PARD3B: variants seen among roughly 807,000 people sequenced by gnomAD.
PARD3B encodes par-3 family cell polarity regulator beta.
PARD3B carries 103 observed loss-of-function variants against 130.2 expected under a neutral mutation model. The observed-to-expected ratio is 0.79, with a 90% CI of 0.67 to 0.93. The LOEUF (loss-of-function observed/expected upper bound fraction) is 0.93, where lower values mean the gene tolerates loss of function less well. PARD3B is among the 40% of genes least tolerant of loss of function. The probability of loss-of-function intolerance (pLI) is 0.00; values close to 1 mark genes in which losing one functional copy is unlikely to be tolerated. For missense variants in PARD3B, 1,609 were observed against 1,499.2 expected, an observed-to-expected ratio of 1.07 and a Z score of -1.21; for synonymous variants, 583 against 553.2, an observed-to-expected ratio of 1.05 and a Z score of -0.76.
chr2:204,811,224 C>G (rs2042950301), intron 2 of PARD3B, among the ~76,000 whole-genome samples: 1 of 151,834 alleles, frequency 6.6e-6, no homozygotes, highest in African/African-American at 2.4e-5. Context: ...AGCTAGTGGC[C>G]TATCTTATTA....
At chr2:204,777,795 A>G (rs1363330508) in intron 2 of PARD3B, among the ~76,000 whole-genome samples, 1 of 152,022 alleles carries the variant, frequency 6.6e-6, no homozygotes, top group Non-Finnish European at 1.5e-5. Context: ...CCCTACCCAA[A>G]TCTCATCTTG....
At chr2:205,551,347 TTTTC>T (rs1215696996) in intron 21 of PARD3B, among the ~76,000 whole-genome samples, 1 of 151,064 alleles carries the variant, frequency 6.6e-6, no homozygotes, top group Non-Finnish European at 1.5e-5. Context: ...CACTTCTTCC[TTTTC>T]TTTTTTTTTT....
chr2:204,696,579 A>G (rs549622476), intron 2 of PARD3B, among the ~76,000 whole-genome samples: 5 of 152,178 alleles, frequency 3.3e-5, no homozygotes, highest in East Asian at 3.9e-4. Flanking sequence ...TCCAAATTCT[A>G]TATAAACCGC....
chr2:204,920,220 G>A (rs752479837), intron 2 of PARD3B, among the ~76,000 whole-genome samples: 1 of 152,062 alleles, frequency 6.6e-6, no homozygotes, highest in Non-Finnish European at 1.5e-5. Context: ...TTGCTCTTTT[G>A]GGGTTAGTAA....
chr2:205,299,561 T>TTATATATATATTA (rs57788108), intron 16 of PARD3B, among the ~76,000 whole-genome samples: 4,379 of 16,978 alleles, frequency 0.26, 206 homozygotes, highest in African/African-American at 0.45. Context: ...ATATTATATA[T>TTATATATATATTA]TATATATATA....
At chr2:205,427,435 A>G (rs1229900932) in intron 19 of PARD3B, among the ~76,000 whole-genome samples, 1 of 152,258 alleles carries the variant, frequency 6.6e-6, no homozygotes, top group African/African-American at 2.4e-5. Context: ...AAGCATTTTA[A>G]AAATGAGAAA....
chr2:205,169,590 T>A (rs2125741372), intron 11 of PARD3B, among the ~76,000 whole-genome samples: 1 of 152,302 alleles, frequency 6.6e-6, no homozygotes, highest in Middle Eastern at 3.4e-3. Context: ...TCCCTCCATC[T>A]CTAGAGGTTC....
At chr2:204,848,542 G>A (rs1461396672) in intron 2 of PARD3B, among the ~76,000 whole-genome samples, 1 of 152,124 alleles carries the variant, frequency 6.6e-6, no homozygotes, top group Non-Finnish European at 1.5e-5. Flanking sequence ...TCCTCTGGAG[G>A]CTGAGGCAGA....
chr2:205,173,258 A>G (rs1398482837), intron 12 of PARD3B, among the ~76,000 whole-genome samples: 2 of 152,234 alleles, frequency 1.3e-5, no homozygotes, highest in Admixed American at 1.3e-4. Flanking sequence ...GTTCAGCGTA[A>G]TAATTGAAAA....
chr2:204,806,150 A>G (rs2042761330), intron 2 of PARD3B, among the ~76,000 whole-genome samples: 1 of 151,980 alleles, frequency 6.6e-6, no homozygotes, highest in South Asian at 2.1e-4. Context: ...CCTAAAATTC[A>G]TGTGGAACCA....
At chr2:205,310,083 CT>C (rs34247571) in intron 18 of PARD3B, among the ~76,000 whole-genome samples, 4,140 of 124,260 alleles carry the variant, frequency 0.033, 41 homozygotes, top group Middle Eastern at 0.06. Flanking sequence ...AAAATCTACT[CT>C]TTTTTTTTTT....
intron 14 of PARD3B, among the ~76,000 whole-genome samples, chr2:205,188,713 T>G (rs1488255307): frequency 6.8e-6 from 1 of 147,156 alleles, no homozygotes; most frequent in Non-Finnish European, 1.5e-5. Flanking sequence ...GTGTGAAACT[T>G]GGGATGGAGG....
At position 205,446,935 on chromosome 2, in the gene PARD3B, C is replaced by A. The variant is rs112228976; in HGVS notation, c.3044+6263C>A. Among the ~76,000 whole-genome samples the A allele has an allele frequency of 1.3e-5, 2 of 152,138 alleles. No individual in the cohort carries two copies. The highest frequency in any genetic ancestry group is 6.5e-5 in the Admixed American group (1 of 15,278). On this transcript the variant is annotated intron_variant, in intron 20 of 22. Coordinates refer to ENST00000406610, the MANE Select transcript of PARD3B (RefSeq NM_001302769.2). This position sits in a 1 kb window ranked among gnomAD's most constrained non-coding sequence, Gnocchi z 4.4. ...AGGGGGCTAGAAGGTATATGTGGCA[C>A]ACAGCACAAATGCAGTTTTGCATTA... is the stretch of plus-strand genomic sequence containing the variant.
chr2:205,031,753 A>G (rs532606233), intron 3 of PARD3B, among the ~76,000 whole-genome samples: 2 of 152,302 alleles, frequency 1.3e-5, no homozygotes, highest in East Asian at 1.9e-4. Flanking sequence ...GGCTAGATCA[A>G]AAAGGTATTA....
intron 1 of PARD3B, among the ~76,000 whole-genome samples, chr2:204,640,007 A>G (rs73059039): frequency 0.021 from 3,204 of 152,158 alleles, 125 homozygotes; most frequent in African/African-American, 0.072. Flanking sequence ...TAATGTTAAC[A>G]CTTTGGGAGG....
At chr2:205,038,226 A>C (rs1398405660) in intron 3 of PARD3B, among the ~76,000 whole-genome samples, 1 of 152,202 alleles carries the variant, frequency 6.6e-6, no homozygotes, top group African/African-American at 2.4e-5. Flanking sequence ...AGGTTGACGC[A>C]CACATAATCA....
At position 205,083,316 on chromosome 2, in the gene PARD3B, A is replaced by G. The variant is rs533122320; in HGVS notation, c.505-21110A>G. Among the ~76,000 whole-genome samples the G allele has an allele frequency of 4.1e-5, 6 of 147,220 alleles. No homozygotes were observed. In the East Asian group the frequency reaches 1.0e-3, roughly 25 times the overall value. ...AAAGATACATAACCTCAGTAGCATA[A>G]AAGTGGTTTTAAGAATAGAAAAAAA... On this transcript the variant is annotated intron_variant, in intron 4 of 22. Transcript: ENST00000406610.
At chr2:205,363,828 CTGACTTTTTTTTTTTT>C (rs1445222923) in intron 18 of PARD3B, among the ~76,000 whole-genome samples, 1 of 137,168 alleles carries the variant, frequency 7.3e-6, no homozygotes, top group Non-Finnish European at 1.5e-5. Flanking sequence ...CAACGCCTGA[CTGACTTTTTTTTTTTT>C]TTTTTTTTTT....
At chr2:205,349,796 T>TC (rs1553682342) in intron 18 of PARD3B, among the ~76,000 whole-genome samples, 9 of 103,382 alleles carry the variant, frequency 8.7e-5, no homozygotes, top group Non-Finnish European at 1.5e-4. Flanking sequence ...CTTTTTCTTT[T>TC]TCTCTTTTTT....
Sources: gnomAD v4.1 joint callset for allele counts (sites outside exome capture counted in the v4.1 genomes callset) on GRCh38, gnomAD v4.1.1 for gene constraint, Gnocchi (gnomAD v3.1) non-coding constraint, MANE v1.5 for transcripts, NCBI Gene and HGNC (gene_info 2026-07-23, HGNC 2026-07-21) for gene names.